The following MYH1 variants were observed in gnomAD, a reference collection of about 807,000 sequenced individuals.
The protein encoded by MYH1 is myosin heavy chain 1.
In MYH1, 214 loss-of-function variants were observed where a neutral mutation model predicts 225.6. The observed-to-expected ratio is 0.95, with a 90% CI of 0.85 to 1.06. The LOEUF (loss-of-function observed/expected upper bound fraction) is 1.06, where lower values mean the gene tolerates loss of function less well. Ranked by LOEUF, MYH1 falls within the 50% of genes least tolerant of loss-of-function variation. The pLI, the probability that MYH1 is intolerant of heterozygous loss-of-function variation, is 0.00. For missense variants in MYH1, 2,098 were observed against 2,344.2 expected (o/e 0.89, Z 2.17); for synonymous variants, 774 against 842.3 (o/e 0.92, Z 1.40).
rs1175971486 is a variant in MYH1 at position 10,495,240 on chromosome 17, G to T, written c.5247C>A (p.Ile1749=). 3 of 1,614,032 alleles carry T rather than the reference G, an allele frequency of 1.9e-6. No individual in the cohort carries two copies. In the African/African-American group the frequency reaches 4.0e-5, roughly 22 times the overall value. The change falls in exon 36 of 40, where the codon ATC becomes ATA. Residue 1749 remains isoleucine, a synonymous_variant. Coordinates refer to ENST00000226207, the MANE Select transcript of MYH1 (RefSeq NM_005963.4). ...TCTCTTCTGCATTGCGGGCTTCCTG[G>T]ATGATGTCTTCCATCTCTCCCTGGA... ...SQIQGEMEDI[I]QEARNAEEKA...
At chr17:10,514,781 A>C in intron 6 of MYH1, 87 bp downstream of exon 6, 1 of 1,214,676 alleles carries the variant, frequency 8.2e-7, no homozygotes, top group Non-Finnish European at 1.2e-6. Flanking sequence ...GTGCTTTAGT[A>C]GAGAACATTA....
Position 10,503,262 on chromosome 17 carries a change from A to G in MYH1, c.2692-14T>C. 6.2e-7 allele frequency: 1 copy of G among 1,610,224 alleles called. No homozygotes were observed. Among genetic ancestry groups the G allele is most frequent in the Non-Finnish European group, 8.5e-7 (1 of 1,178,982 alleles). On this transcript the variant is annotated splice_polypyrimidine_tract_variant and intron_variant, in intron 22 of 39. Coordinates refer to ENST00000226207, the MANE Select transcript of MYH1 (RefSeq NM_005963.4). The stretch of plus-strand genomic sequence containing the variant: ...GCTGTCAGCTTCCTGAGAAGAGGCA[A>G]TAGATATTTTAGATTTTATGAAAAT...
chr17:10,509,161 T>C (rs891589744), intron 15 of MYH1, among the ~76,000 whole-genome samples: 2 of 152,262 alleles, frequency 1.3e-5, no homozygotes, highest in Middle Eastern at 3.4e-3. Flanking sequence ...AAATTCATAC[T>C]TTGAATGCAG....
intron 6 of MYH1, 93 bp from the exon 7 acceptor site, chr17:10,514,217 C>T: frequency 7.1e-7 from 1 of 1,399,190 alleles, no homozygotes; most frequent in Non-Finnish European, 1.0e-6. Flanking sequence ...TATTAGAGAG[C>T]CTTTTACATC....
Position 10,516,232 on chromosome 17 carries a change from G to T in MYH1, c.315C>A (p.Asn105Lys). 1 of 1,614,196 alleles carries T rather than the reference G, an allele frequency of 6.2e-7. No individual in the cohort carries two copies. The highest frequency in any genetic ancestry group is 8.5e-7 in the Non-Finnish European group (1 of 1,180,034). ...THLHEPAVLY[N>K]LKERYAAWMI... ...TCCAGGCTGCGTAGCGCTCTTTGAG[G>T]TTGTACAGCACAGCAGGCTCGTGTA... is the stretch of plus-strand genomic sequence containing the variant. Residue 105 changes from asparagine to lysine, a missense_variant, in exon 4 of 40, where the codon AAC becomes AAA. Physicochemically the swap from Asn to Lys is moderately conservative, Grantham distance 94. Transcript: ENST00000226207.
intron 29 of MYH1, 29 bp downstream of exon 29, chr17:10,498,945 T>G: frequency 1.2e-6 from 2 of 1,604,514 alleles, no homozygotes; most frequent in South Asian, 2.2e-5. Flanking sequence ...ACAAGAACAA[T>G]AATGACAAGA....
In MYH1 at chr17:10,495,987, A is replaced by G. The variant is rs2142255078; in HGVS notation, c.5132T>C (p.Leu1711Pro). 6.2e-7 allele frequency: 1 copy of G among 1,614,090 alleles called. No homozygotes were observed. Among genetic ancestry groups the G allele is most frequent in the Non-Finnish European group, 8.5e-7 (1 of 1,180,026 alleles). The change falls in exon 35 of 40, where the codon CTG becomes CCG. Residue 1711 changes from leucine to proline, a missense_variant. Coordinates refer to ENST00000226207, the MANE Select transcript of MYH1 (RefSeq NM_005963.4). Reference protein sequence around the residue: ...RSRKIAEQELLDASERVQLLH... With the variant: ...RSRKIAEQELPDASERVQLLH... ...GAGCTGAACACGCTCACTGGCATCC[A>G]GGAGCTCCTGTTCTGCGATTTTCCT...
intron 15 of MYH1, among the ~76,000 whole-genome samples, chr17:10,509,282 G>T (rs2073148437): frequency 6.6e-6 from 1 of 152,010 alleles, no homozygotes. Context: ...GCAAACTGTG[G>T]GTAAGTGTTG....
Position 10,495,309 on chromosome 17 carries a change from G to A in MYH1, c.5178C>T (p.Ser1726=), listed in dbSNP as rs1164468976. 1.2e-6 allele frequency: 2 copies of A among 1,614,110 alleles called. No homozygotes were observed. Among genetic ancestry groups the A allele is most frequent in the East Asian group, 4.5e-5 (2 of 44,872 alleles). Residue 1726 remains serine, a synonymous_variant, in exon 36 of 40, where the codon AGC becomes AGT. Transcript: ENST00000226207. ...RVQLLHTQNT[S]LINTKKKLET... The stretch of plus-strand genomic sequence containing the variant: ...CCAGCTTCTTCTTGGTGTTGATCAG[G>A]CTGGTGTTCTGTTTAAAATGTGAAA...
At chr17:10,497,488 C>A (rs1375973813) in intron 31 of MYH1, 36 bp from the exon 32 acceptor site, 2 of 1,582,708 alleles carry the variant, frequency 1.3e-6, no homozygotes, top group South Asian at 1.2e-5. Flanking sequence ...ATTTAGTGGA[C>A]AAAATTTGAT....
Position 10,498,969 on chromosome 17 carries a change from C to T in MYH1, c.3984+5G>A, listed in dbSNP as rs2073024617. 1 of 1,607,492 alleles carries T rather than the reference C, an allele frequency of 6.2e-7. No homozygotes were observed. The highest frequency in any genetic ancestry group is 8.5e-7 in the Non-Finnish European group (1 of 1,174,870). On this transcript the variant is annotated splice_donor_5th_base_variant and intron_variant, in intron 29 of 39. Coordinates refer to ENST00000226207, the MANE Select transcript of MYH1 (RefSeq NM_005963.4). ...ATAATGACAAGAATGACAAGTGGAGCTTACCTTTATCTCCTCTTCAAGTTG... is the reference window on the plus strand; with the variant it reads ...ATAATGACAAGAATGACAAGTGGAGTTTACCTTTATCTCCTCTTCAAGTTG...
At chr17:10,512,651 A>G in intron 11 of MYH1, 30 bp downstream of exon 11, 1 of 1,612,312 alleles carries the variant, frequency 6.2e-7, no homozygotes, top group Non-Finnish European at 8.5e-7. Flanking sequence ...TGCATAATGG[A>G]TTTTAAATTA....
intron 15 of MYH1, 54 bp downstream of exon 15, chr17:10,509,431 T>C: frequency 6.2e-7 from 1 of 1,604,584 alleles, no homozygotes; most frequent in Non-Finnish European, 8.5e-7. Context: ...TTTATGATTT[T>C]CTTTTAAATA....
intron 39 of MYH1, among the ~76,000 whole-genome samples, chr17:10,493,647 A>C (rs1292244990): frequency 6.6e-6 from 1 of 152,172 alleles, no homozygotes; most frequent in Non-Finnish European, 1.5e-5. Context: ...CTAAAACAGA[A>C]TTCCTGTTTC....
At position 10,492,329 on chromosome 17, in the gene MYH1, TCTC is replaced by T; in HGVS notation, c.*84_*86del. ...AAGTTTTTGGCAGATAAATTTTTTA[TCTC>T]CAAAAGTCATAAGTACAAAATGGAG... is the stretch of plus-strand genomic sequence containing the variant. On this transcript the variant is annotated 3_prime_UTR_variant, in exon 40 of 40. Transcript: ENST00000226207. 2 of 1,501,388 alleles carry T rather than the reference TCTC, an allele frequency of 1.3e-6. No homozygotes were observed. The highest frequency in any genetic ancestry group is 2.9e-5 in the African/African-American group (2 of 70,140). The allele number at this position is 1,501,388 out of a possible 1,614,324, so 93.0% of individuals were successfully genotyped here.
At chr17:10,493,449 A>G (rs1272466242) in intron 39 of MYH1, among the ~76,000 whole-genome samples, 1 of 152,216 alleles carries the variant, frequency 6.6e-6, no homozygotes, top group Non-Finnish European at 1.5e-5. Context: ...GTAACTATGA[A>G]TATTTATATG....
Position 10,505,904 on chromosome 17 carries a change from C to T in MYH1, c.2082G>A (p.Leu694=), listed in dbSNP as rs1301456942. 6.2e-7 allele frequency: 1 copy of T among 1,614,156 alleles called. No homozygotes were observed. Among genetic ancestry groups the T allele is most frequent in the South Asian group, 1.1e-5 (1 of 91,082 alleles). The change falls in exon 19 of 40, where the codon CTG becomes CTA. Residue 694 remains leucine (L), a synonymous_variant. Coordinates refer to ENST00000226207, the MANE Select transcript of MYH1 (RefSeq NM_005963.4). ...GCACACCGTTACACCTCAGCTGATG[C>T]AGGACAAGCTCATGCTCCATGGCAC... ...TPGAMEHELV[L]HQLRCNGVLE... is the part of the protein sequence containing the mutation.
chr17:10,502,586 C>T, intron 24 of MYH1, 152 bp downstream of exon 24: 1 of 1,159,384 alleles, frequency 8.6e-7, no homozygotes, highest in Non-Finnish European at 1.2e-6. Flanking sequence ...ATTGTGTGTA[C>T]ATCTTAGACC....
chr17:10,516,162 T>C (rs765804155), intron 4 of MYH1, 37 bp downstream of exon 4: 1 of 1,613,746 alleles, frequency 6.2e-7, no homozygotes, highest in Non-Finnish European at 8.5e-7. Context: ...AACTATTAAC[T>C]ACTCTCATGA....
Sources: gnomAD v4.1 joint callset for allele counts (sites outside exome capture counted in the v4.1 genomes callset) on GRCh38, gnomAD v4.1.1 for gene constraint, MANE v1.5 for transcripts, NCBI Gene and HGNC (gene_info 2026-07-23, HGNC 2026-07-21) for gene names.